Variants in PRUNE2 observed in about 807,000 individuals in gnomAD.
PRUNE2 encodes the protein protein prune homolog 2.
A neutral mutation model predicts 252.0 loss-of-function variants in PRUNE2; 164 were observed. The ratio of observed to expected loss-of-function variants is 0.65; its 90% CI spans 0.57 to 0.74. The LOEUF is 0.74. Among genes scored for constraint, PRUNE2 ranks in the 30% least tolerant of loss-of-function variants. PRUNE2 has a pLI of 0.00. For missense variants in PRUNE2, 3,495 were observed against 3,711.0 expected, an observed-to-expected ratio of 0.94 and a Z score of 1.51; for synonymous variants, 1,292 against 1,350.2, an observed-to-expected ratio of 0.96 and a Z score of 0.94.
chr9:76,641,272 G>T (rs1842462273), intron 12 of PRUNE2, among the ~76,000 whole-genome samples: 1 of 151,940 alleles, frequency 6.6e-6, no homozygotes, highest in Non-Finnish European at 1.5e-5. Flanking sequence ...AAGGGAAGAA[G>T]AGGCAAAAAG....
chr9:76,849,106 T>C (rs1021994132), intron 3 of PRUNE2, among the ~76,000 whole-genome samples: 1 of 152,144 alleles, frequency 6.6e-6, no homozygotes, highest in Admixed American at 6.5e-5. Context: ...AGACAGGGTC[T>C]CACCATGTTT....
chr9:76,677,581 T>C (rs2042829754), intron 9 of PRUNE2, among the ~76,000 whole-genome samples: 1 of 152,232 alleles, frequency 6.6e-6, no homozygotes, highest in South Asian at 2.1e-4. Context: ...AAACAGAAGA[T>C]ATGTGCACCA....
At chr9:76,836,947 C>T (rs886479276) in intron 4 of PRUNE2, among the ~76,000 whole-genome samples, 2 of 152,152 alleles carry the variant, frequency 1.3e-5, no homozygotes, top group African/African-American at 2.4e-5. Flanking sequence ...TAATCAAGTT[C>T]TACCTCAATG....
intron 6 of PRUNE2, among the ~76,000 whole-genome samples, chr9:76,777,656 G>A (rs1411048440): frequency 2.0e-5 from 3 of 152,186 alleles, no homozygotes; most frequent in Admixed American, 6.5e-5. Context: ...TTCAATGCTG[G>A]TGAAACACAA....
At position 76,644,749 on chromosome 9, in the gene PRUNE2, A is replaced by G; in HGVS notation, c.8718T>C (p.Ile2906=). 1 of 1,613,628 alleles carries G rather than the reference A, an allele frequency of 6.2e-7. No homozygotes were observed. Among genetic ancestry groups the G allele is most frequent in the Non-Finnish European group, 8.5e-7 (1 of 1,179,684 alleles). ...MKVIEPYRRV[I]SHGGYYGDGL... Reference sequence around the variant, plus strand: ...GCTGAGCTCGACTACCTCCGTGAGAAATGACTCTCCTGTAGGGCTCGATGA... The same window carrying G: ...GCTGAGCTCGACTACCTCCGTGAGAGATGACTCTCCTGTAGGGCTCGATGA... The change falls in exon 12 of 19, where the codon ATT becomes ATC. Residue 2906 remains isoleucine, a synonymous_variant. Coordinates refer to ENST00000376718, the MANE Select transcript of PRUNE2 (RefSeq NM_015225.3).
chr9:76,898,789 G>A (rs1221623424), intron 1 of PRUNE2, among the ~76,000 whole-genome samples: 1 of 152,164 alleles, frequency 6.6e-6, no homozygotes, highest in Non-Finnish European at 1.5e-5. Context: ...AATGCATGGA[G>A]CCAAAGATAT....
intron 10 of PRUNE2, among the ~76,000 whole-genome samples, chr9:76,654,195 G>T (rs994648126): frequency 1.3e-5 from 2 of 152,116 alleles, no homozygotes; most frequent in African/African-American, 2.4e-5. Flanking sequence ...AAAACAGTTT[G>T]TTGCCTTCAC....
chr9:76,704,213 T>C lies in PRUNE2; in HGVS notation c.7514-114A>G. 2 of 383,028 alleles carry C rather than the reference T, an allele frequency of 5.2e-6. 1 individual carries two copies. The highest frequency in any genetic ancestry group is 2.4e-4 in the Admixed American group (2 of 8,398). 23.7% of individuals were successfully genotyped at this position (383,028 alleles called of 1,614,324 possible). ...AAGAGGTAATTTAATATTTTTTATA[T>C]ATTTTATTTATTTATTCATTCATTC... On this transcript the variant is annotated intron_variant, in intron 8 of 18. Coordinates refer to ENST00000376718, the MANE Select transcript of PRUNE2 (RefSeq NM_015225.3).
intron 6 of PRUNE2, among the ~76,000 whole-genome samples, chr9:76,778,167 G>A (rs1002503502): frequency 2.0e-5 from 3 of 152,192 alleles, no homozygotes; most frequent in Non-Finnish European, 4.4e-5. Flanking sequence ...TTGAGAATCT[G>A]ATGTTTGCAA....
At chr9:76,838,738 G>A (rs117246057) in intron 4 of PRUNE2, among the ~76,000 whole-genome samples, 1,560 of 149,798 alleles carry the variant, frequency 0.01, 11 homozygotes, top group Non-Finnish European at 0.015. Context: ...ATAAAGAAAA[G>A]CAAAGAAGAG....
intron 6 of PRUNE2, among the ~76,000 whole-genome samples, chr9:76,772,033 G>A (rs1264951947): frequency 6.6e-6 from 1 of 152,168 alleles, no homozygotes; most frequent in African/African-American, 2.4e-5. Flanking sequence ...AGAGTATGTG[G>A]CTCCACACAA....
intron 13 of PRUNE2, among the ~76,000 whole-genome samples, chr9:76,637,948 G>T (rs1840854401): frequency 6.6e-6 from 1 of 152,186 alleles, no homozygotes; most frequent in African/African-American, 2.4e-5. Context: ...AAATGTTACA[G>T]AATTTTAAAA....
chr9:76,707,368 A>G lies in PRUNE2; in HGVS notation c.4906T>C (p.Ser1636Pro). The G allele has an allele frequency of 1.9e-6, 3 of 1,614,018 alleles. No homozygotes were observed. In the South Asian group the frequency reaches 3.3e-5, roughly 18 times the overall value. The change falls in exon 8 of 19, where the codon TCT becomes CCT. Residue 1636 changes from serine (S) to proline (P), a missense_variant. By Grantham distance (74) the Ser-to-Pro change is moderately conservative. Coordinates refer to ENST00000376718, the MANE Select transcript of PRUNE2 (RefSeq NM_015225.3). ...NDSVDGDSFS[S>P]LSSPETGKYS... ...TTGCCTGTTTCAGGACTGGATAAAG[A>G]GGAAAAGGAATCACCATCAACTGAG... is the stretch of plus-strand genomic sequence containing the variant.
chr9:76,859,370 A>G (rs2060431365), intron 1 of PRUNE2, among the ~76,000 whole-genome samples: 1 of 152,146 alleles, frequency 6.6e-6, no homozygotes, highest in Non-Finnish European at 1.5e-5. Flanking sequence ...TGCACTTGTT[A>G]GGCAAAAGCA....
At chr9:76,842,176 A>T (rs1324784430) in intron 4 of PRUNE2, among the ~76,000 whole-genome samples, 1 of 152,210 alleles carries the variant, frequency 6.6e-6, no homozygotes, top group Non-Finnish European at 1.5e-5. Context: ...AGCCCTCAGA[A>T]ATAATGCCAC....
At chr9:76,620,062 G>A (rs1425134025) in intron 17 of PRUNE2, among the ~76,000 whole-genome samples, 2 of 151,712 alleles carry the variant, frequency 1.3e-5, no homozygotes, top group Admixed American at 1.3e-4. Flanking sequence ...TGATTTCTCT[G>A]TGAGCAAATT....
intron 6 of PRUNE2, among the ~76,000 whole-genome samples, chr9:76,744,169 C>A (rs568786691): frequency 6.6e-6 from 1 of 152,292 alleles, no homozygotes; most frequent in South Asian, 2.1e-4. Flanking sequence ...TCTGCAGATG[C>A]GTCTCCTATG....
chr9:76,866,004 T>C (rs2060821596), intron 1 of PRUNE2, among the ~76,000 whole-genome samples: 1 of 152,260 alleles, frequency 6.6e-6, no homozygotes, highest in South Asian at 2.1e-4. Flanking sequence ...TCTGAGTTGC[T>C]ACCACATTCT....
intron 14 of PRUNE2, 92 bp downstream of exon 14, chr9:76,637,326 G>A (rs1840599014): frequency 4.1e-6 from 5 of 1,225,272 alleles, no homozygotes; most frequent in Non-Finnish European, 3.5e-6. Flanking sequence ...TTCTTCTTGT[G>A]TATAATGAAG....
Sources: allele counts gnomAD v4.1 joint callset (sites outside exome capture counted in the v4.1 genomes callset), GRCh38; gene constraint gnomAD v4.1.1; transcripts MANE v1.5; gene names NCBI Gene and HGNC (gene_info 2026-07-23, HGNC 2026-07-21).